ELAPOR1: variants seen among roughly 807,000 people sequenced by gnomAD.
ELAPOR1 encodes endosome/lysosome-associated apoptosis and autophagy regulator 1.
ELAPOR1 carries 77 observed loss-of-function variants against 119.7 expected under a neutral mutation model. The observed-to-expected ratio is 0.64, with a 90% CI of 0.54 to 0.78. The LOEUF (loss-of-function observed/expected upper bound fraction) is 0.78. Ranked by LOEUF, ELAPOR1 falls within the 30% of genes least tolerant of loss-of-function variation. The probability of loss-of-function intolerance (pLI) is 0.00; values close to 1 mark genes in which losing one functional copy is unlikely to be tolerated. For missense variants in ELAPOR1, 1,115 were observed against 1,270.4 expected (o/e 0.88, Z 1.86); for synonymous variants, 481 against 487.2 (o/e 0.99, Z 0.17).
intron 1 of ELAPOR1, among the ~76,000 whole-genome samples, chr1:109,153,616 GTGTTTTGTTTTGTTTTGTTTTGTTT>G (rs201426802): frequency 6.7e-6 from 1 of 148,352 alleles, no homozygotes; most frequent in East Asian, 2.0e-4. Context: ...CTTGTGGCAG[GTGTTTTGTTTTGTTTTGTTTTGTTT>G]TGTTTTGTTT....
chr1:109,114,415 C>T lies in ELAPOR1; in HGVS notation c.153+79C>T, dbSNP rs1244531022. ...GGCGGAGACCTTGGGGACCCAGGCG[C>T]AGAGAGTTTCAGACGCCACGGAGTT... On this transcript the variant is annotated intron_variant, in intron 1 of 21. Transcript: ENST00000369939. 4.9e-6 allele frequency: 7 copies of T among 1,422,126 alleles called. No individual in the cohort carries two copies. In the East Asian group the frequency reaches 1.6e-4, roughly 32 times the overall value. The allele number at this position is 1,422,126 out of a possible 1,614,324, so 88.1% of individuals were successfully genotyped here.
Position 109,197,568 on chromosome 1 carries a change from G to A in ELAPOR1, c.2216G>A (p.Cys739Tyr), listed in dbSNP as rs1355768052. 6 of 1,614,042 alleles carry A rather than the reference G, an allele frequency of 3.7e-6. No homozygotes were observed. In the East Asian group the frequency reaches 1.3e-4, roughly 36 times the overall value. Residue 739 changes from cysteine (C) to tyrosine (Y), a missense_variant, in exon 16 of 22, where the codon TGC becomes TAC. Physicochemically the swap from Cys to Tyr is radical, Grantham distance 194. Transcript: ENST00000369939. ...GFSKSITAYV[C>Y]QAVIIPPEVT... Reference sequence around the variant, plus strand: ...TCCAAATCTATCACAGCCTACGTCTGCCAGGCAGTCATCATCCCCCCAGAG... The same window carrying A: ...TCCAAATCTATCACAGCCTACGTCTACCAGGCAGTCATCATCCCCCCAGAG...
At chr1:109,196,527 TG>T (rs1263498160) in intron 15 of ELAPOR1, among the ~76,000 whole-genome samples, 2 of 152,204 alleles carry the variant, frequency 1.3e-5, no homozygotes, top group Non-Finnish European at 1.5e-5. Flanking sequence ...ACTCCTTTCC[TG>T]TTTAGAAATG....
intron 1 of ELAPOR1, among the ~76,000 whole-genome samples, chr1:109,127,257 C>T (rs1648843295): frequency 6.8e-6 from 1 of 147,668 alleles, no homozygotes; most frequent in Non-Finnish European, 1.5e-5. Context: ...GTTCTGTCAC[C>T]AGGCTGGAGT....
chr1:109,129,460 C>T (rs1207701260), intron 1 of ELAPOR1, among the ~76,000 whole-genome samples: 5 of 152,146 alleles, frequency 3.3e-5, no homozygotes, highest in African/African-American at 4.8e-5. Flanking sequence ...TGCAGTGAGC[C>T]GAGATGGTGC....
chr1:109,191,623 C>T, intron 12 of ELAPOR1, 103 bp from the exon 13 acceptor site: 1 of 1,501,682 alleles, frequency 6.7e-7, no homozygotes, highest in South Asian at 1.2e-5. Flanking sequence ...CACAGTTTAA[C>T]AAGGGTCTCA....
intron 1 of ELAPOR1, among the ~76,000 whole-genome samples, chr1:109,115,981 A>G (rs1647971491): frequency 6.6e-6 from 1 of 152,246 alleles, no homozygotes; most frequent in African/African-American, 2.4e-5. Flanking sequence ...TAAGAATCAA[A>G]CAAGGGAGTT....
At chr1:109,141,074 A>T (rs1040846653) in intron 1 of ELAPOR1, among the ~76,000 whole-genome samples, 2 of 151,816 alleles carry the variant, frequency 1.3e-5, no homozygotes, top group Middle Eastern at 3.2e-3. Context: ...CTGGCCTCGA[A>T]CTCCTGATCT....
intron 1 of ELAPOR1, among the ~76,000 whole-genome samples, chr1:109,117,377 A>G (rs1482167257): frequency 3.3e-5 from 5 of 152,246 alleles, no homozygotes; most frequent in African/African-American, 1.2e-4. Context: ...GAAGCAAATC[A>G]AACCAAAGAG....
chr1:109,174,600 A>G (rs1444875392), intron 7 of ELAPOR1, among the ~76,000 whole-genome samples: 1 of 151,878 alleles, frequency 6.6e-6, no homozygotes, highest in Admixed American at 6.6e-5. Context: ...AAAGAAATAG[A>G]TGATACATAT....
At chr1:109,149,933 G>A (rs1450285091) in intron 1 of ELAPOR1, among the ~76,000 whole-genome samples, 2 of 152,194 alleles carry the variant, frequency 1.3e-5, no homozygotes, top group Non-Finnish European at 2.9e-5. Flanking sequence ...GGGCTAAAGG[G>A]GAAGAAGATG....
chr1:109,187,022 C>T (rs1653094326), intron 8 of ELAPOR1: 3 of 985,474 alleles, frequency 3.0e-6, no homozygotes, highest in Non-Finnish European at 1.2e-6. Flanking sequence ...TCCTTGCAGA[C>T]TTCTGCTTTG....
Position 109,204,347 on chromosome 1 carries a change from C to T in ELAPOR1, c.*1335C>T, listed in dbSNP as rs1318328982. On this transcript the variant is annotated 3_prime_UTR_variant, in exon 22 of 22. Coordinates refer to ENST00000369939, the MANE Select transcript of ELAPOR1 (RefSeq NM_020775.5). ...CCAAAGCCCTGGTGGATACATCCTC[C>T]CTATCTTTTTTTTAAACCTTCCACT... The T allele has an allele frequency of 6.6e-6, 1 of 152,196 alleles. No individual in the cohort carries two copies. The highest frequency in any genetic ancestry group is 1.5e-5 in the Non-Finnish European group (1 of 68,054). The allele number at this position is 152,196 out of a possible 1,614,324, so 9.4% of individuals were successfully genotyped here. A position where few individuals can be genotyped will look rare whatever the true frequency, so the allele number is the denominator to read the frequency against.
chr1:109,149,198 G>T (rs1350306239), intron 1 of ELAPOR1, among the ~76,000 whole-genome samples: 1 of 152,142 alleles, frequency 6.6e-6, no homozygotes, highest in Non-Finnish European at 1.5e-5. Context: ...AACTGCTGAG[G>T]ATTATCACAT....
At chr1:109,128,070 A>G (rs577198520) in intron 1 of ELAPOR1, among the ~76,000 whole-genome samples, 3 of 152,108 alleles carry the variant, frequency 2.0e-5, no homozygotes, top group Non-Finnish European at 4.4e-5. Flanking sequence ...ACAGAGTTTC[A>G]CCATGTTGGC....
chr1:109,117,053 A>AG (rs11391865), intron 1 of ELAPOR1, among the ~76,000 whole-genome samples: 32,048 of 152,068 alleles, frequency 0.21, 4,883 homozygotes, highest in East Asian at 0.43. Context: ...TGTTGATGGC[A>AG]GGACTCTTAT....
At chr1:109,135,886 G>A (rs1649439140) in intron 1 of ELAPOR1, among the ~76,000 whole-genome samples, 1 of 152,134 alleles carries the variant, frequency 6.6e-6, no homozygotes, top group Admixed American at 6.5e-5. Context: ...ATCTCTGGGT[G>A]GATATGAAAA....
In ELAPOR1 at chr1:109,145,270, G is replaced by GA. The variant is rs1428303524; in HGVS notation, c.154-16622dup. Among the ~76,000 whole-genome samples, 8 of 152,122 alleles carry GA rather than the reference G, an allele frequency of 5.3e-5. No homozygotes were observed. In the East Asian group the frequency reaches 1.5e-3, roughly 29 times the overall value. On this transcript the variant is annotated intron_variant, in intron 1 of 21. Transcript: ENST00000369939. ...TTGATCTTGGACTTCTTAGTCTCTA[G>GA]AACGGTGAAAAAAAATACATTTCTG...
intron 1 of ELAPOR1, among the ~76,000 whole-genome samples, chr1:109,136,786 A>C (rs899876764): frequency 5.3e-5 from 8 of 152,260 alleles, no homozygotes; most frequent in Non-Finnish European, 7.3e-5. Flanking sequence ...TCCATCTATC[A>C]GGGAATTCTT....
Sources: allele counts gnomAD v4.1 joint callset (sites outside exome capture counted in the v4.1 genomes callset), GRCh38; gene constraint gnomAD v4.1.1; transcripts MANE v1.5; gene names NCBI Gene and HGNC (gene_info 2026-07-23, HGNC 2026-07-21).